The following CCDC33 variants were observed in gnomAD, a reference collection of about 807,000 sequenced individuals.
CCDC33 encodes coiled-coil domain containing 33.
CCDC33 carries 94 observed loss-of-function variants against 91.9 expected under a neutral mutation model. The observed-to-expected ratio is 1.02, with a 90% CI of 0.87 to 1.21. The LOEUF (loss-of-function observed/expected upper bound fraction) is 1.21. Ranked by LOEUF, CCDC33 falls within the 50% of genes most tolerant of loss-of-function variation. CCDC33 has a pLI of 0.00. For synonymous variants in CCDC33, 396 were observed against 374.5 expected, an observed-to-expected ratio of 1.06 and a Z score of -0.66; for missense variants, 940 against 935.5, an observed-to-expected ratio of 1.00 and a Z score of -0.06.
chr15:74,290,326 C>T (rs557705786), intron 10 of CCDC33, among the ~76,000 whole-genome samples: 6 of 152,088 alleles, frequency 3.9e-5, no homozygotes, highest in South Asian at 4.2e-4. Flanking sequence ...TACAGGTGCC[C>T]GCCACCATGC....
At chr15:74,298,356 T>C (rs1316136907) in intron 11 of CCDC33, among the ~76,000 whole-genome samples, 1 of 151,996 alleles carries the variant, frequency 6.6e-6, no homozygotes, top group Non-Finnish European at 1.5e-5. Context: ...CCTTTAAATA[T>C]AGAATGGATC....
chr15:74,295,701 TG>T, intron 10 of CCDC33, 52 bp from the exon 11 acceptor site: 1 of 1,475,232 alleles, frequency 6.8e-7, no homozygotes, highest in South Asian at 1.3e-5. Flanking sequence ...TTATGGTAGA[TG>T]GGCACAGAGA....
chr15:74,216,538 C>CTTT (rs112654498), upstream of CCDC33, among the ~76,000 whole-genome samples: 1 of 37,478 alleles, frequency 2.7e-5, no homozygotes, highest in Non-Finnish European at 4.6e-5. Flanking sequence ...GCCAATACCA[C>CTTT]TTTTTTTTTT....
intron 11 of CCDC33, among the ~76,000 whole-genome samples, chr15:74,311,294 C>A (rs28522902): frequency 4.6e-4 from 70 of 152,212 alleles, no homozygotes; most frequent in African/African-American, 1.4e-3. Flanking sequence ...CCCCTCCACA[C>A]CCCCTACCCC....
At chr15:74,320,934 G>T (rs542512607) in intron 11 of CCDC33, among the ~76,000 whole-genome samples, 2 of 152,346 alleles carry the variant, frequency 1.3e-5, no homozygotes, top group South Asian at 4.1e-4. Flanking sequence ...GCTGGGAAGG[G>T]AGCTTGGCTG....
chr15:74,256,551 G>A (rs28597930), intron 2 of CCDC33, among the ~76,000 whole-genome samples: 1,921 of 152,202 alleles, frequency 0.013, 38 homozygotes, highest in African/African-American at 0.044. Flanking sequence ...CTCCCCATAG[G>A]ACTGTGATGG....
intron 5 of CCDC33, among the ~76,000 whole-genome samples, chr15:74,270,255 A>T (rs1406565594): frequency 6.6e-6 from 1 of 152,174 alleles, no homozygotes; most frequent in African/African-American, 2.4e-5. Flanking sequence ...GAAAAGGGAG[A>T]ATGATCCAGA....
chr15:74,234,059 G>A (rs1307839205), upstream of CCDC33, among the ~76,000 whole-genome samples: 4 of 152,178 alleles, frequency 2.6e-5, no homozygotes, highest in Admixed American at 6.5e-5. Flanking sequence ...ATGGCATGAG[G>A]AAGCAGGGCT....
At position 74,315,621 on chromosome 15, in the gene CCDC33, G is replaced by A. The variant is rs547388792; in HGVS notation, c.1291-14568G>A. On this transcript the variant is annotated intron_variant, in intron 11 of 18. Transcript: ENST00000398814. The stretch of plus-strand genomic sequence containing the variant: ...GGTGCAGGCTCTAGAAATTCAGAAA[G>A]GAAGCCAAGAAGAGTAGGAAAGTCT... Among the ~76,000 whole-genome samples the A allele has an allele frequency of 2.5e-4, 38 of 152,350 alleles. 1 individual carries two copies. Among genetic ancestry groups the A allele is most frequent in the African/African-American group, 9.1e-4 (38 of 41,578 alleles).
At chr15:74,330,520 G>A in intron 12 of CCDC33, 143 bp from the exon 13 acceptor site, 1 of 1,064,154 alleles carries the variant, frequency 9.4e-7, no homozygotes, top group Admixed American at 2.1e-5. Context: ...GCCCAGCTGG[G>A]TCCTCTCAGG....
At chr15:74,253,721 TC>T (rs1347067831) in intron 2 of CCDC33, among the ~76,000 whole-genome samples, 1 of 152,134 alleles carries the variant, frequency 6.6e-6, no homozygotes, top group Admixed American at 6.6e-5. Flanking sequence ...ATCCTGTAGT[TC>T]CTGGCATGTG....
chr15:74,273,326 G>A (rs533249418), intron 7 of CCDC33, among the ~76,000 whole-genome samples: 19 of 152,330 alleles, frequency 1.2e-4, no homozygotes, highest in African/African-American at 2.2e-4. Flanking sequence ...CCTAGTTTCC[G>A]TTTCAAGTGA....
intron 10 of CCDC33, among the ~76,000 whole-genome samples, chr15:74,288,333 T>G (rs149556299): frequency 6.6e-6 from 1 of 152,334 alleles, no homozygotes; most frequent in East Asian, 1.9e-4. Flanking sequence ...TTCCTCTTCC[T>G]CTTTGTAGCA....
intron 1 of CCDC33, chr15:74,209,066 C>G (rs2074327128): frequency 8.2e-7 from 1 of 1,224,658 alleles, no homozygotes. Flanking sequence ...CTTCTCCAGT[C>G]TGGCTCTGCC....
At chr15:74,303,788 CT>C (rs1567017110) in intron 11 of CCDC33, 2 of 152,186 alleles carry the variant, frequency 1.3e-5, no homozygotes, top group Non-Finnish European at 2.9e-5. Context: ...GGAGCACCGC[CT>C]GCTGACAGGG....
rs1036102174 is a variant in CCDC33, at chr15:74,203,022, C to T, written n.13C>T. ...ACATACCTGCCTTCAGCGCCTGCCCCAGAGCTCCCAAGCCCCTGCCCGCCA... is the reference window on the plus strand; with the variant it reads ...ACATACCTGCCTTCAGCGCCTGCCCTAGAGCTCCCAAGCCCCTGCCCGCCA... On this transcript the variant is annotated non_coding_transcript_exon_variant, in exon 1 of 4. Coordinates refer to the CCDC33 transcript ENST00000558645. 5 of 985,986 alleles carry T rather than the reference C, an allele frequency of 5.1e-6. No individual in the cohort carries two copies. In the African/African-American group the frequency reaches 7.0e-5, roughly 14 times the overall value. 61.1% of individuals were successfully genotyped at this position (985,986 alleles called of 1,614,324 possible). A position where few individuals can be genotyped will look rare whatever the true frequency, so the allele number is the denominator to read the frequency against.
At chr15:74,305,462 G>A (rs2059875933) in intron 11 of CCDC33, among the ~76,000 whole-genome samples, 2 of 152,134 alleles carry the variant, frequency 1.3e-5, no homozygotes, top group South Asian at 4.1e-4. Context: ...AGCCTAACTG[G>A]GGAGAAGTCT....
At chr15:74,325,467 A>G (rs992691995) in intron 11 of CCDC33, among the ~76,000 whole-genome samples, 16 of 152,006 alleles carry the variant, frequency 1.1e-4, no homozygotes, top group African/African-American at 3.9e-4. Context: ...ACCTGGGGCT[A>G]GGAAAAGAGA....
In CCDC33 at chr15:74,330,649, A is replaced by T. The variant is rs752929049; in HGVS notation, c.1457-14A>T. ...GGCTTCCTCCCTGAGCCAGCTCCCC[A>T]ACCCACCTAACAGTGTCCATGAAGC... On this transcript the variant is annotated splice_polypyrimidine_tract_variant and intron_variant, in intron 12 of 18. Coordinates refer to ENST00000398814, the MANE Select transcript of CCDC33 (RefSeq NM_025055.5). The T allele has an allele frequency of 1.9e-6, 3 of 1,609,392 alleles. No individual in the cohort carries two copies. In the East Asian group the frequency reaches 6.7e-5, roughly 36 times the overall value.
Sources: allele counts gnomAD v4.1 joint callset (sites outside exome capture counted in the v4.1 genomes callset), GRCh38; gene constraint gnomAD v4.1.1; transcripts MANE v1.5; gene names NCBI Gene and HGNC (gene_info 2026-07-23, HGNC 2026-07-21).